The following DGAT2 variants were observed in gnomAD, a reference collection of about 807,000 sequenced individuals.
The protein encoded by DGAT2 is acyl-CoA retinol O-fatty-acyltransferase.
A neutral mutation model predicts 48.4 loss-of-function variants in DGAT2; 33 were observed. That is an observed-to-expected ratio of 0.68 (90% confidence interval 0.52 to 0.91). The LOEUF (loss-of-function observed/expected upper bound fraction) is 0.91. DGAT2 is among the 40% of genes least tolerant of loss of function. The probability of loss-of-function intolerance (pLI) is 0.00; values close to 1 mark genes in which losing one functional copy is unlikely to be tolerated. For synonymous variants in DGAT2, 191 were observed against 194.1 expected (o/e 0.98, Z 0.13); for missense variants, 446 against 493.7 (o/e 0.90, Z 0.92).
chr11:75,786,872 A>C (rs1944928191), intron 2 of DGAT2, among the ~76,000 whole-genome samples: 1 of 152,184 alleles, frequency 6.6e-6, no homozygotes, highest in Admixed American at 6.5e-5. Flanking sequence ...GCCCTTTCTC[A>C]GTGTTTTAGA....
At chr11:75,784,102 G>C (rs1054557413) in intron 1 of DGAT2, among the ~76,000 whole-genome samples, 1 of 152,128 alleles carries the variant, frequency 6.6e-6, no homozygotes, top group Non-Finnish European at 1.5e-5. Context: ...TGGAGAAGGG[G>C]TATTAGTCTG....
intron 1 of DGAT2, among the ~76,000 whole-genome samples, chr11:75,784,083 T>G (rs1944895877): frequency 6.6e-6 from 1 of 151,960 alleles, no homozygotes; most frequent in Non-Finnish European, 1.5e-5. Context: ...GCAAGAGGGT[T>G]CAGCTCCTTG....
intron 1 of DGAT2, among the ~76,000 whole-genome samples, chr11:75,777,171 A>G (rs1944811127): frequency 6.6e-6 from 1 of 151,132 alleles, no homozygotes; most frequent in African/African-American, 2.4e-5. Flanking sequence ...GGAGCCCAAG[A>G]GGCTGTTCAC....
chr11:75,796,646 T>C (rs1945058451), intron 5 of DGAT2, 114 bp downstream of exon 5: 3 of 1,111,456 alleles, frequency 2.7e-6, no homozygotes, highest in Admixed American at 4.8e-5. Context: ...TGGGCCTGCA[T>C]TGGGAGATGC....
chr11:75,769,325 T>C (rs7927703), intron 1 of DGAT2, among the ~76,000 whole-genome samples: 2,739 of 152,200 alleles, frequency 0.018, 88 homozygotes, highest in African/African-American at 0.063. Flanking sequence ...TTCTTAGTTA[T>C]TAGGGATATT....
chr11:75,798,940 A>G (rs962198666), intron 7 of DGAT2, among the ~76,000 whole-genome samples: 1 of 152,240 alleles, frequency 6.6e-6, no homozygotes, highest in African/African-American at 2.4e-5. Context: ...TGACTGCAGC[A>G]TAGACCTGTC....
In DGAT2 at chr11:75,796,239, A is replaced by G. The variant is rs943541706; in HGVS notation, c.430-89A>G. 10 of 1,135,026 alleles carry G rather than the reference A, an allele frequency of 8.8e-6. No homozygotes were observed. The African/African-American group carries it at 1.4e-4, about 16-fold the overall frequency. The allele number at this position is 1,135,026 out of a possible 1,614,324, so 70.3% of individuals were successfully genotyped here. ...TCAGGCCCATGGAGGTCCAGGGGAA[A>G]TGACACATCCAATCCCTCCCTACCC... On this transcript the variant is annotated intron_variant, in intron 4 of 7. Coordinates refer to ENST00000228027, the MANE Select transcript of DGAT2 (RefSeq NM_032564.5).
chr11:75,773,864 G>C (rs182201139), intron 1 of DGAT2: 6 of 152,372 alleles, frequency 3.9e-5, no homozygotes, highest in Admixed American at 3.9e-4. Flanking sequence ...AAGTCTTCCT[G>C]GAAGAGGTGA....
intron 4 of DGAT2, chr11:75,794,399 CAGGT>C (rs1226820449): frequency 2.6e-5 from 4 of 152,188 alleles, no homozygotes; most frequent in Non-Finnish European, 5.9e-5. Flanking sequence ...TTGCAGCACT[CAGGT>C]GGGAGTGTCA....
intron 6 of DGAT2, 29 bp downstream of exon 6, chr11:75,797,361 C>T (rs1269065857): frequency 1.4e-6 from 2 of 1,408,618 alleles, no homozygotes; most frequent in East Asian, 2.7e-5. Context: ...ACACACACAC[C>T]CCTCCAGTGC....
At chr11:75,774,664 TC>T (rs1944788197) in intron 1 of DGAT2, among the ~76,000 whole-genome samples, 1 of 152,154 alleles carries the variant, frequency 6.6e-6, no homozygotes, top group Non-Finnish European at 1.5e-5. Context: ...GTCAGCCACC[TC>T]CTCATTCTTG....
rs993436055 is a variant in DGAT2, at chr11:75,797,219, T to A, written c.696T>A (p.Asn232Lys). Residue 232 changes from asparagine to lysine, a missense_variant, in exon 6 of 8, where the codon AAT (asparagine) becomes AAA (lysine). By Grantham distance (94) the Asn-to-Lys change is moderately conservative (BLOSUM62 0). Transcript: ENST00000228027. ...DYLLSKNGSG[N>K]AIIIVVGGAA... ...TGCTTTCAAAGAATGGGAGTGGCAATGCTATCATCATCGTGGTCGGGGGTG... is the reference window on the plus strand; with the variant it reads ...TGCTTTCAAAGAATGGGAGTGGCAAAGCTATCATCATCGTGGTCGGGGGTG... 1 of 1,578,806 alleles carries A rather than the reference T, an allele frequency of 6.3e-7. No individual in the cohort carries two copies. The highest frequency in any genetic ancestry group is 8.6e-7 in the Non-Finnish European group (1 of 1,161,970).
chr11:75,770,602 C>T (rs1944748095), intron 1 of DGAT2, among the ~76,000 whole-genome samples: 1 of 152,190 alleles, frequency 6.6e-6, no homozygotes. Context: ...GGTAGTGCTT[C>T]CTGGAGACCC....
At chr11:75,770,826 G>A (rs982566258) in intron 1 of DGAT2, among the ~76,000 whole-genome samples, 3 of 152,038 alleles carry the variant, frequency 2.0e-5, no homozygotes, top group Non-Finnish European at 4.4e-5. Context: ...TGGGTGCAAG[G>A]ATTTACATCA....
intron 1 of DGAT2, chr11:75,784,351 A>G (rs1197059594): frequency 3.2e-6 from 1 of 315,582 alleles, no homozygotes; most frequent in African/African-American, 2.1e-5. Context: ...CTCTTTAGAT[A>G]CTTCATGTGG....
At chr11:75,796,218 G>T in intron 4 of DGAT2, 110 bp from the exon 5 acceptor site, 1 of 890,362 alleles carries the variant, frequency 1.1e-6, no homozygotes. Context: ...CAGCCCTCAG[G>T]CCCATGGAGG....
At chr11:75,792,577 G>C (rs961969683) in intron 4 of DGAT2, 1 of 151,920 alleles carries the variant, frequency 6.6e-6, no homozygotes, top group East Asian at 1.9e-4. Context: ...CTCCCTTCCT[G>C]GTGGGACTCT....
intron 1 of DGAT2, among the ~76,000 whole-genome samples, chr11:75,769,991 T>C (rs1194590863): frequency 6.6e-6 from 1 of 152,220 alleles, no homozygotes; most frequent in African/African-American, 2.4e-5. Flanking sequence ...CCCACCTTTG[T>C]TACAAAAATA....
chr11:75,796,173 G>C, intron 4 of DGAT2, 155 bp from the exon 5 acceptor site: 1 of 682,706 alleles, frequency 1.5e-6, no homozygotes, highest in East Asian at 2.5e-5. Flanking sequence ...TGGCCCTGGG[G>C]ATGAGAGTCT....
Sources: gnomAD v4.1 joint callset for allele counts (sites outside exome capture counted in the v4.1 genomes callset) on GRCh38, gnomAD v4.1.1 for gene constraint, MANE v1.5 for transcripts, NCBI Gene and HGNC (gene_info 2026-07-23, HGNC 2026-07-21) for gene names.